Variants in NCKAP5 observed in about 807,000 individuals in gnomAD.
The protein encoded by NCKAP5 is NCK associated protein 5.
In NCKAP5, 92 loss-of-function variants were observed where a neutral mutation model predicts 167.0. The observed-to-expected ratio is 0.55, with a 90% CI of 0.47 to 0.66. The LOEUF (loss-of-function observed/expected upper bound fraction) is 0.66, where lower values mean the gene tolerates loss of function less well. Ranked by LOEUF, NCKAP5 falls within the 30% of genes least tolerant of loss-of-function variation. The pLI, the probability that NCKAP5 is intolerant of heterozygous loss-of-function variation, is 0.00. For missense variants in NCKAP5, 2,378 were observed against 2,315.0 expected (o/e 1.03, Z -0.56); for synonymous variants, 891 against 877.4 (o/e 1.02, Z -0.27).
At chr2:132,714,318 C>T (rs1689148793) in intron 19 of NCKAP5, among the ~76,000 whole-genome samples, 1 of 152,212 alleles carries the variant, frequency 6.6e-6, no homozygotes, top group South Asian at 2.1e-4. Flanking sequence ...CTCCCTCTGA[C>T]ATCCTCAACC....
At chr2:133,162,693 C>CT (rs988252818) in intron 5 of NCKAP5, among the ~76,000 whole-genome samples, 7 of 150,482 alleles carry the variant, frequency 4.7e-5, no homozygotes, top group South Asian at 2.1e-4. Context: ...TTTTTTGTTT[C>CT]TTTTTTTTTA....
chr2:133,664,947 C>A, the NCKAP5 span, among the ~76,000 whole-genome samples: 65 of 152,324 alleles, frequency 4.3e-4, 1 homozygote, highest in African/African-American at 1.6e-3. Flanking sequence ...ATGAACCAAC[C>A]TCTGCTAGCT....
intron 8 of NCKAP5, among the ~76,000 whole-genome samples, chr2:132,881,562 T>C (rs1691756820): frequency 6.6e-6 from 1 of 150,682 alleles, no homozygotes; most frequent in African/African-American, 2.4e-5. Context: ...TTCTTTTTTT[T>C]TTTTTTTTTC....
In NCKAP5 at chr2:133,546,504, G is replaced by A. The variant is rs565830101; in HGVS notation, c.-62+12546C>T. 5.9e-5 allele frequency among the ~76,000 whole-genome samples: 9 copies of A among 152,188 alleles called. 1 individual carries two copies. The highest frequency in any genetic ancestry group is 2.2e-4 in the African/African-American group (9 of 41,528). On this transcript the variant is annotated intron_variant, in intron 2 of 19. Coordinates refer to ENST00000409261, the MANE Select transcript of NCKAP5 (RefSeq NM_207363.3). ...TACAAGCTGCGCTATAGAGTTTCAAGGGATATCACGCGATGTGTGCTTTGA... is the reference window on the plus strand; with the variant it reads ...TACAAGCTGCGCTATAGAGTTTCAAAGGATATCACGCGATGTGTGCTTTGA...
chr2:132,998,325 T>C (rs762070001), intron 6 of NCKAP5, among the ~76,000 whole-genome samples: 7 of 152,248 alleles, frequency 4.6e-5, no homozygotes, highest in East Asian at 1.9e-4. Flanking sequence ...ACTTAAAAAA[T>C]AGGAAAAAGT....
chr2:132,967,348 G>A (rs776536773), intron 7 of NCKAP5, among the ~76,000 whole-genome samples: 3 of 152,058 alleles, frequency 2.0e-5, no homozygotes, highest in Non-Finnish European at 2.9e-5. Flanking sequence ...TTGAAGAAAG[G>A]GCAATCAATG....
intron 5 of NCKAP5, among the ~76,000 whole-genome samples, chr2:133,145,944 T>C (rs1364096071): frequency 6.6e-6 from 1 of 152,140 alleles, no homozygotes; most frequent in African/African-American, 2.4e-5. Context: ...AACAAGACTT[T>C]ATTAAATTAG....
intron 15 of NCKAP5, among the ~76,000 whole-genome samples, chr2:132,780,458 T>C (rs1682936693): frequency 1.3e-5 from 2 of 152,172 alleles, no homozygotes; most frequent in Non-Finnish European, 2.9e-5. Context: ...CCTTATTTTT[T>C]AATTTTTAAA....
At position 132,966,665 on chromosome 2, in the gene NCKAP5, G is replaced by A. The variant is rs1457193993; in HGVS notation, c.430-2796C>T. On this transcript the variant is annotated intron_variant, in intron 7 of 19. Coordinates refer to ENST00000409261, the MANE Select transcript of NCKAP5 (RefSeq NM_207363.3). ...GCCATTATATAATCTTGTTTTATGT[G>A]TATTTCTATTTAAAGACACCTTACA... Among the ~76,000 whole-genome samples the A allele has an allele frequency of 2.0e-5, 3 of 152,066 alleles. No individual in the cohort carries two copies. The East Asian group carries it at 5.8e-4, about 29-fold the overall frequency.
chr2:132,987,078 G>A (rs2077310769), intron 7 of NCKAP5, among the ~76,000 whole-genome samples: 1 of 152,168 alleles, frequency 6.6e-6, no homozygotes, highest in African/African-American at 2.4e-5. Context: ...TATATAAACT[G>A]CATGCTTTTT....
chr2:133,455,194 A>G (rs1691772295), intron 3 of NCKAP5, among the ~76,000 whole-genome samples: 2 of 152,120 alleles, frequency 1.3e-5, no homozygotes, highest in South Asian at 4.1e-4. Context: ...TTTTCTTGGC[A>G]TGATTATAAT....
intron 8 of NCKAP5, among the ~76,000 whole-genome samples, chr2:132,943,850 G>C (rs544779480): frequency 1.3e-5 from 2 of 152,354 alleles, no homozygotes; most frequent in Admixed American, 1.3e-4. Context: ...CGGGTGAAAA[G>C]ACCTTACCAA....
At chr2:133,550,549 C>A (rs532755468) in intron 2 of NCKAP5, among the ~76,000 whole-genome samples, 3 of 130,316 alleles carry the variant, frequency 2.3e-5, no homozygotes, top group Admixed American at 8.0e-5. Context: ...ATTCAACAAC[C>A]CTTCATGCTA....
intron 6 of NCKAP5, among the ~76,000 whole-genome samples, chr2:133,079,041 C>CAAG (rs2080713153): frequency 6.6e-6 from 1 of 152,120 alleles, no homozygotes; most frequent in Admixed American, 6.5e-5. Flanking sequence ...TTGAACTAAG[C>CAAG]AAGCTTTTAG....
At chr2:133,046,278 T>C (rs1036016125) in intron 6 of NCKAP5, among the ~76,000 whole-genome samples, 2 of 152,234 alleles carry the variant, frequency 1.3e-5, no homozygotes, top group Non-Finnish European at 2.9e-5. Flanking sequence ...AAAACTCAAA[T>C]ATATTTTAGT....
chr2:132,882,704 C>T (rs1288196781), intron 8 of NCKAP5, among the ~76,000 whole-genome samples: 2 of 152,146 alleles, frequency 1.3e-5, no homozygotes, highest in Admixed American at 6.5e-5. Context: ...TTAATTTCCT[C>T]TCTTCTTAAT....
chr2:132,961,691 C>T (rs983324312), intron 8 of NCKAP5, among the ~76,000 whole-genome samples: 3 of 152,116 alleles, frequency 2.0e-5, no homozygotes, highest in Non-Finnish European at 4.4e-5. Context: ...AAGAAACATT[C>T]GCTGCCAAAT....
intron 6 of NCKAP5, among the ~76,000 whole-genome samples, chr2:133,078,521 G>A (rs2080690380): frequency 6.6e-6 from 1 of 152,076 alleles, no homozygotes; most frequent in Admixed American, 6.6e-5. Flanking sequence ...TGGTGAGTTG[G>A]GGAGGAAGGG....
intron 3 of NCKAP5, among the ~76,000 whole-genome samples, chr2:133,374,588 T>C (rs1463980710): frequency 6.9e-6 from 1 of 145,006 alleles, no homozygotes; most frequent in African/African-American, 2.6e-5. Flanking sequence ...GGGTGGGGGA[T>C]GTTGGTGATG....
Sources: allele counts gnomAD v4.1 joint callset (sites outside exome capture counted in the v4.1 genomes callset), GRCh38; gene constraint gnomAD v4.1.1; transcripts MANE v1.5; gene names NCBI Gene and HGNC (gene_info 2026-07-23, HGNC 2026-07-21).